Variants in CLYBL observed in about 807,000 individuals in gnomAD.
CLYBL encodes citramalyl-CoA lyase.
CLYBL carries 31 observed loss-of-function variants against 38.9 expected under a neutral mutation model. The ratio of observed to expected loss-of-function variants is 0.80; its 90% CI spans 0.60 to 1.08. The LOEUF is 1.08. Ranked by LOEUF, CLYBL falls within the 50% of genes least tolerant of loss-of-function variation. The pLI is 0.00. For synonymous variants in CLYBL, 171 were observed against 158.6 expected (o/e 1.08, Z -0.59); for missense variants, 434 against 411.6 (o/e 1.05, Z -0.47).
At chr13:99,681,555 G>A (rs1015144425) in intron 1 of CLYBL, among the ~76,000 whole-genome samples, 13 of 152,120 alleles carry the variant, frequency 8.5e-5, no homozygotes, top group Non-Finnish European at 7.4e-5. Flanking sequence ...TGGGTAAGGA[G>A]AATTCAGGAA....
At chr13:99,667,934 A>G (rs2047507047) in intron 1 of CLYBL, among the ~76,000 whole-genome samples, 2 of 152,338 alleles carry the variant, frequency 1.3e-5, no homozygotes, top group African/African-American at 4.8e-5. Context: ...TTGCCAAGTA[A>G]TTAGGTATGA....
At chr13:99,885,177 C>G in intron 7 of CLYBL, 1 of 479,578 alleles carries the variant, frequency 2.1e-6, no homozygotes, top group South Asian at 1.6e-5. Flanking sequence ...AACAAATACT[C>G]TCACTAGATG....
chr13:99,777,314 A>G (rs185120260), intron 2 of CLYBL, among the ~76,000 whole-genome samples: 44 of 152,262 alleles, frequency 2.9e-4, no homozygotes, highest in African/African-American at 1.1e-3. Flanking sequence ...TTCCCAATCT[A>G]CTTGTCCAAA....
intron 1 of CLYBL, among the ~76,000 whole-genome samples, chr13:99,756,509 A>G (rs895286126): frequency 2.0e-5 from 3 of 152,176 alleles, no homozygotes; most frequent in Non-Finnish European, 4.4e-5. Flanking sequence ...AGCTTGTCCA[A>G]CCTGTGGCCT....
Position 99,683,515 on chromosome 13 carries a change from A to T in CLYBL, c.62+76758A>T, listed in dbSNP as rs1158378384. Among the ~76,000 whole-genome samples the T allele has an allele frequency of 5.3e-5, 8 of 152,058 alleles. No individual in the cohort carries two copies. The East Asian group carries it at 1.4e-3, about 26-fold the overall frequency. ...TATATTTTTAATTTTTATTTTTTAT[A>T]CTTTTTGAACTTTTTGTTAAAAGCA... On this transcript the variant is annotated intron_variant, in intron 1 of 8. Coordinates refer to ENST00000339105, the MANE Select transcript of CLYBL (RefSeq NM_206808.5).
rs2051830902 is a variant in CLYBL, at chr13:99,869,492, C to T, written c.803-1446C>T. Among the ~76,000 whole-genome samples the T allele has an allele frequency of 6.6e-6, 1 of 152,064 alleles. No individual in the cohort carries two copies. Among genetic ancestry groups the T allele is most frequent in the Admixed American group, 6.6e-5 (1 of 15,264 alleles). On this transcript the variant is annotated intron_variant, in intron 6 of 8. Transcript: ENST00000339105. This position sits in a 1 kb window ranked among gnomAD's most constrained non-coding sequence, Gnocchi z 4.3. ...TGTCATCCCTCATGTTATTCGTTCC[C>T]AGAAATTATTCCTCAGGTAATTTAA...
intron 1 of CLYBL, among the ~76,000 whole-genome samples, chr13:99,693,402 C>G (rs1264892613): frequency 6.6e-6 from 1 of 152,068 alleles, no homozygotes; most frequent in Non-Finnish European, 1.5e-5. Flanking sequence ...TTCTCTTTCT[C>G]TCTTCCCTGT....
intron 1 of CLYBL, among the ~76,000 whole-genome samples, chr13:99,763,548 C>CTTTTTTTTTTTTTTT (rs59409196): frequency 2.6e-5 from 3 of 116,170 alleles, no homozygotes; most frequent in Non-Finnish European, 5.2e-5. Flanking sequence ...TCTTTTTATT[C>CTTTTTTTTTTTTTTT]TTTTTTTTTT....
At position 99,880,404 on chromosome 13, in the gene CLYBL, A is replaced by T. The variant is rs112489232; in HGVS notation, c.927+9342A>T. ...TTTATGTAATCCTCACAGCAGCCCT[A>T]CAGGGGCGATATTATCCCCATTTTC... On this transcript the variant is annotated intron_variant, in intron 7 of 8. Transcript: ENST00000339105. Among the ~76,000 whole-genome samples, 1,143 of 152,276 alleles carry T rather than the reference A, an allele frequency of 7.5e-3. 20 individuals carry two copies. The highest frequency in any genetic ancestry group is 0.023 in the African/African-American group (975 of 41,554).
chr13:99,689,700 G>C (rs1400756481), intron 1 of CLYBL, among the ~76,000 whole-genome samples: 1 of 152,192 alleles, frequency 6.6e-6, no homozygotes, highest in Non-Finnish European at 1.5e-5. Flanking sequence ...GACCTGACTT[G>C]AAACCTTTAT....
intron 2 of CLYBL, among the ~76,000 whole-genome samples, chr13:99,808,345 C>T (rs2050273646): frequency 6.6e-6 from 1 of 152,096 alleles, no homozygotes; most frequent in Non-Finnish European, 1.5e-5. Flanking sequence ...CTCGGCCTCC[C>T]AAAGTGCTGA....
chr13:99,648,299 T>C (rs2047205353), intron 1 of CLYBL, among the ~76,000 whole-genome samples: 1 of 152,188 alleles, frequency 6.6e-6, no homozygotes, highest in Admixed American at 6.5e-5. Flanking sequence ...CGGACAAAAA[T>C]CTCAACGCCA....
chr13:99,830,494 G>A (rs2050784098), intron 2 of CLYBL, among the ~76,000 whole-genome samples: 1 of 152,202 alleles, frequency 6.6e-6, no homozygotes, highest in Non-Finnish European at 1.5e-5. Flanking sequence ...CAGTGTGGGT[G>A]CCCCTCAGCC....
chr13:99,762,552 T>C (rs1378893274), intron 1 of CLYBL, among the ~76,000 whole-genome samples: 1 of 152,216 alleles, frequency 6.6e-6, no homozygotes, highest in Non-Finnish European at 1.5e-5. Flanking sequence ...GCGGGTACCA[T>C]GCTGATTTGG....
At chr13:99,734,470 C>G (rs2048637001) in intron 1 of CLYBL, among the ~76,000 whole-genome samples, 1 of 151,936 alleles carries the variant, frequency 6.6e-6, no homozygotes, top group Non-Finnish European at 1.5e-5. Context: ...AACTGACTTT[C>G]CTTTAGTGCA....
intron 1 of CLYBL, among the ~76,000 whole-genome samples, chr13:99,750,628 C>T (rs917739108): frequency 6.7e-5 from 10 of 150,080 alleles, no homozygotes; most frequent in African/African-American, 2.0e-4. Flanking sequence ...GAGCCGAGAT[C>T]GTGCCACTGC....
chr13:99,893,774 GCCCC>G (rs1471284417), downstream of CLYBL: 1 of 152,218 alleles, frequency 6.6e-6, no homozygotes, highest in South Asian at 2.1e-4. Context: ...GGAAAAGCAG[GCCCC>G]TCCGCAAGGC....
intron 1 of CLYBL, among the ~76,000 whole-genome samples, chr13:99,669,803 C>T (rs2047538139): frequency 6.6e-6 from 1 of 152,166 alleles, no homozygotes; most frequent in Admixed American, 6.5e-5. Context: ...TGGGCTTACT[C>T]AATCTGTTAA....
intron 1 of CLYBL, among the ~76,000 whole-genome samples, chr13:99,767,718 G>T (rs967262761): frequency 7.9e-5 from 12 of 152,082 alleles, no homozygotes; most frequent in Non-Finnish European, 1.6e-4. Context: ...TCTTCTGCCT[G>T]CCAAATCTGC....
Sources: gnomAD v4.1 joint callset for allele counts (sites outside exome capture counted in the v4.1 genomes callset) on GRCh38, gnomAD v4.1.1 for gene constraint, Gnocchi (gnomAD v3.1) non-coding constraint, MANE v1.5 for transcripts, NCBI Gene and HGNC (gene_info 2026-07-23, HGNC 2026-07-21) for gene names.